Variants in CMTM4 observed in about 807,000 individuals in gnomAD.
The protein encoded by CMTM4 is CKLF-like MARVEL transmembrane domain-containing protein 4.
A neutral mutation model predicts 19.0 loss-of-function variants in CMTM4; 8 were observed. The observed-to-expected ratio is 0.42, with a 90% CI of 0.25 to 0.76. CMTM4 has a LOEUF of 0.76. Ranked by LOEUF, CMTM4 falls within the 30% of genes least tolerant of loss-of-function variation. CMTM4 has a pLI of 0.27. For synonymous variants in CMTM4, 106 were observed against 121.1 expected, an observed-to-expected ratio of 0.88 and a Z score of 0.82; for missense variants, 228 against 290.2, an observed-to-expected ratio of 0.79 and a Z score of 1.56.
At chr16:66,626,644 C>T (rs355952) in intron 2 of CMTM4, among the ~76,000 whole-genome samples, 7,412 of 151,786 alleles carry the variant, frequency 0.049, 291 homozygotes, top group East Asian at 0.11. Context: ...GTAGCACATG[C>T]CTGTAGTCCC....
chr16:66,686,824 A>C (rs1207169365), intron 1 of CMTM4, among the ~76,000 whole-genome samples: 1 of 152,050 alleles, frequency 6.6e-6, no homozygotes, highest in Non-Finnish European at 1.5e-5. Flanking sequence ...TTAACCAAAA[A>C]TAATAATTCA....
intron 1 of CMTM4, among the ~76,000 whole-genome samples, chr16:66,650,818 G>C (rs1367561336): frequency 1.3e-5 from 2 of 152,142 alleles, no homozygotes; most frequent in Non-Finnish European, 2.9e-5. Flanking sequence ...AATTTACAGA[G>C]TAAAAACATG....
the CMTM4 span, among the ~76,000 whole-genome samples, chr16:66,606,861 C>T: frequency 3.9e-4 from 60 of 152,280 alleles, no homozygotes; most frequent in African/African-American, 1.3e-3. Context: ...GGTTTGGTGG[C>T]GGGCGCCTGT....
downstream of CMTM4, chr16:66,610,019 G>A (rs1039599239): frequency 1.2e-6 from 2 of 1,614,068 alleles, no homozygotes. This position sits in a 1 kb window ranked among gnomAD's most constrained non-coding sequence, Gnocchi z 4.6. Context: ...CGGCTGCCCT[G>A]ATCACCCCAG....
At chr16:66,673,210 CTTT>C (rs35208363) in intron 1 of CMTM4, among the ~76,000 whole-genome samples, 3 of 127,872 alleles carry the variant, frequency 2.3e-5, no homozygotes, top group Admixed American at 8.0e-5. Context: ...CACACCCAGT[CTTT>C]TTTTTTTTTT....
intron 2 of CMTM4, among the ~76,000 whole-genome samples, chr16:66,633,088 AATATATATATATAAAT>A (rs545380781): frequency 0.092 from 9,231 of 100,172 alleles, 555 homozygotes; most frequent in South Asian, 0.2. Context: ...TCCGTTTCAA[AATATATATATATAAAT>A]ATATATATAT....
At chr16:66,658,899 A>G (rs1567420057) in intron 1 of CMTM4, among the ~76,000 whole-genome samples, 1 of 152,180 alleles carries the variant, frequency 6.6e-6, no homozygotes, top group African/African-American at 2.4e-5. Flanking sequence ...TCAAGCACCC[A>G]CCAATCAATC....
intron 1 of CMTM4, among the ~76,000 whole-genome samples, chr16:66,638,907 A>G (rs2016048561): frequency 6.8e-6 from 1 of 147,310 alleles, no homozygotes. Flanking sequence ...TAGATTTTAA[A>G]TGTTCTCACC....
At position 66,636,545 on chromosome 16, in the gene CMTM4, T is replaced by C; in HGVS notation, c.223A>G (p.Ile75Val). 1.2e-6 allele frequency: 2 copies of C among 1,614,208 alleles called. No individual in the cohort carries two copies. The highest frequency in any genetic ancestry group is 1.7e-6 in the Non-Finnish European group (2 of 1,180,028). ...CCTTCACACGGGGAGCATGCCATGATGGTCTCTATGCAGATGAATGCAATC... is the reference window on the plus strand; with the variant it reads ...CCTTCACACGGGGAGCATGCCATGACGGTCTCTATGCAGATGAATGCAATC... ...ALIAFICIET[I>V]MACSPCEGLY... Residue 75 changes from isoleucine (I) to valine (V), a missense_variant, in exon 2 of 4, where the codon ATC becomes GTC. Around this residue, in one of 3 missense-constraint regions of CMTM4, gnomAD observed 200 missense variants for 226.6 expected, o/e 0.88. Coordinates refer to ENST00000394106, the MANE Select transcript of CMTM4 (RefSeq NM_181521.3).
chr16:66,696,265 GC>G lies in CMTM4; in HGVS notation c.186+74del. Reference sequence around the variant, plus strand: ...CTGGGCAAGCGGGTACGCGGCGGAGGCCCCGCAGCGGGGCGGGGAGGGAGGC... The same window carrying G: ...CTGGGCAAGCGGGTACGCGGCGGAGGCCCGCAGCGGGGCGGGGAGGGAGGC... On this transcript the variant is annotated intron_variant, in intron 1 of 3. Transcript: ENST00000394106. This position sits in a 1 kb window ranked among gnomAD's most constrained non-coding sequence, Gnocchi z 4.3. 9.4e-7 allele frequency: 1 copy of G among 1,069,244 alleles called. No homozygotes were observed. Among genetic ancestry groups the G allele is most frequent in the Non-Finnish European group, 1.2e-6 (1 of 832,842 alleles). The allele number at this position is 1,069,244 out of a possible 1,614,324, so 66.2% of individuals were successfully genotyped here.
Position 66,636,386 on chromosome 16 carries a change from A to C in CMTM4, c.363+19T>G. 1 of 1,606,160 alleles carries C rather than the reference A, an allele frequency of 6.2e-7. No homozygotes were observed. The highest frequency in any genetic ancestry group is 8.5e-7 in the Non-Finnish European group (1 of 1,173,656). On this transcript the variant is annotated intron_variant, in intron 2 of 3. Transcript: ENST00000394106. ...AGGCACGTGATCCTTTCATGGCCAG[A>C]GTGGCCGCTTGTACTCACTGTCAGA... is the stretch of plus-strand genomic sequence containing the variant.
downstream of CMTM4, among the ~76,000 whole-genome samples, chr16:66,610,568 G>A (rs2015338909): frequency 6.6e-6 from 1 of 152,176 alleles, no homozygotes; most frequent in South Asian, 2.1e-4. This position sits in a 1 kb window ranked among gnomAD's most constrained non-coding sequence, Gnocchi z 4.6. Context: ...GCTCTGGAGG[G>A]GACACTAGAG....
chr16:66,645,533 C>T (rs530237514), intron 1 of CMTM4, among the ~76,000 whole-genome samples: 61 of 152,042 alleles, frequency 4.0e-4, no homozygotes, highest in African/African-American at 1.3e-3. Context: ...GCCAAGATTG[C>T]GCCACTGCAT....
chr16:66,631,015 C>T (rs1321113734), intron 2 of CMTM4, among the ~76,000 whole-genome samples: 39 of 151,414 alleles, frequency 2.6e-4, no homozygotes, highest in African/African-American at 9.0e-4. Context: ...GGAGACCCTC[C>T]GCCCGGCGGC....
chr16:66,650,587 C>T (rs1207147743), intron 1 of CMTM4, among the ~76,000 whole-genome samples: 2 of 152,076 alleles, frequency 1.3e-5, no homozygotes, highest in Non-Finnish European at 2.9e-5. Context: ...TAACTATATC[C>T]CTGGTCTTAG....
chr16:66,600,386 T>A, the CMTM4 span, among the ~76,000 whole-genome samples: 1 of 151,964 alleles, frequency 6.6e-6, no homozygotes, highest in Non-Finnish European at 1.5e-5. Flanking sequence ...CTCAGGTGAT[T>A]AGCCCACCTC....
chr16:66,609,956 T>C (rs553240113), downstream of CMTM4: 7 of 1,614,080 alleles, frequency 4.3e-6, no homozygotes, highest in South Asian at 7.7e-5. The surrounding 1 kb of genome is among the most constrained non-coding windows in gnomAD (Gnocchi z 4.4). Flanking sequence ...GCCAAATTCC[T>C]CAAACAAGGG....
rs1164582870 is a variant in CMTM4, at chr16:66,692,399, T to C, written c.186+3941A>G. ...GCCCGGCCTGTTGCAAGGTTAACAC[T>C]GAAAGGATATAGAAAGGTAAGTCTC... is the stretch of plus-strand genomic sequence containing the variant. On this transcript the variant is annotated intron_variant, in intron 1 of 3. Coordinates refer to ENST00000394106, the MANE Select transcript of CMTM4 (RefSeq NM_181521.3). Among the ~76,000 whole-genome samples the C allele has an allele frequency of 2.6e-5, 4 of 152,224 alleles. No homozygotes were observed. In the East Asian group the frequency reaches 7.7e-4, roughly 29 times the overall value.
intron 1 of CMTM4, among the ~76,000 whole-genome samples, chr16:66,670,969 G>A (rs771387232): frequency 4.6e-5 from 7 of 152,156 alleles, no homozygotes; most frequent in Non-Finnish European, 1.0e-4. Context: ...TAGCTGAGGA[G>A]AACACCAGTA....
Sources: allele counts gnomAD v4.1 joint callset (sites outside exome capture counted in the v4.1 genomes callset), GRCh38; gene constraint gnomAD v4.1.1; regional missense constraint gnomAD v4.1.1; non-coding constraint Gnocchi (gnomAD v3.1); transcripts MANE v1.5; gene names NCBI Gene and HGNC (gene_info 2026-07-23, HGNC 2026-07-21).